The following SLC2A9 variants were observed in gnomAD, a reference collection of about 807,000 sequenced individuals.
The protein encoded by SLC2A9 is solute carrier family 2 member 9.
SLC2A9 carries 39 observed loss-of-function variants against 50.6 expected under a neutral mutation model. That is an observed-to-expected ratio of 0.77 (90% confidence interval 0.60 to 1.01). The LOEUF (loss-of-function observed/expected upper bound fraction) is 1.01, where lower values mean the gene tolerates loss of function less well. Ranked by LOEUF, SLC2A9 falls within the 50% of genes least tolerant of loss-of-function variation. The pLI, the probability that SLC2A9 is intolerant of heterozygous loss-of-function variation, is 0.00. For synonymous variants in SLC2A9, 324 were observed against 276.9 expected, an observed-to-expected ratio of 1.17 and a Z score of -1.69; for missense variants, 686 against 677.6, an observed-to-expected ratio of 1.01 and a Z score of -0.14.
In SLC2A9 at chr4:9,914,971, C is replaced by T. The variant is rs192598731; in HGVS notation, c.1002+5414G>A. Among the ~76,000 whole-genome samples, 36 of 152,324 alleles carry T rather than the reference C, an allele frequency of 2.4e-4. No homozygotes were observed. In the East Asian group the frequency reaches 6.8e-3, roughly 29 times the overall value. On this transcript the variant is annotated intron_variant, in intron 7 of 11. Transcript: ENST00000264784. The stretch of plus-strand genomic sequence containing the variant: ...AAGAGTGTTGGATCACCCAGTCTTG[C>T]TTCTCATCTTACGGATAAAAATCTA...
At chr4:9,953,328 T>C (rs547816656) in intron 5 of SLC2A9, among the ~76,000 whole-genome samples, 1 of 152,342 alleles carries the variant, frequency 6.6e-6, no homozygotes, top group Admixed American at 6.5e-5. Context: ...CACTGTATCA[T>C]CTGCCTGTCT....
chr4:9,815,402 G>A (rs1184263379), intron 3 of SLC2A9, among the ~76,000 whole-genome samples: 1 of 152,172 alleles, frequency 6.6e-6, no homozygotes, highest in East Asian at 1.9e-4. Flanking sequence ...CATGAGTAAG[G>A]GAAACCCAAG....
At chr4:9,828,708 C>T (rs1242805660) in intron 11 of SLC2A9, among the ~76,000 whole-genome samples, 1 of 152,220 alleles carries the variant, frequency 6.6e-6, no homozygotes, top group African/African-American at 2.4e-5. Context: ...GTCATTTTCT[C>T]AGAGAGGTTC....
chr4:9,826,165 G>T, downstream of SLC2A9: 1 of 541,708 alleles, frequency 1.8e-6, no homozygotes, highest in Non-Finnish European at 3.3e-6. Context: ...GTGATTCCTT[G>T]CAGCTTCCAG....
chr4:10,025,835 GA>G, upstream of SLC2A9: 1 of 1,485,264 alleles, frequency 6.7e-7, no homozygotes, highest in Non-Finnish European at 9.4e-7. Flanking sequence ...TGACCCAGGG[GA>G]AAGGGGTACT....
intron 6 of SLC2A9, among the ~76,000 whole-genome samples, chr4:9,941,529 G>A (rs1748124633): frequency 6.6e-6 from 1 of 152,172 alleles, no homozygotes; most frequent in Non-Finnish European, 1.5e-5. Context: ...AGTCAGTGAA[G>A]GGAGAAGAAG....
At chr4:9,799,986 A>C (rs1473561815) in intron 3 of SLC2A9, among the ~76,000 whole-genome samples, 1 of 152,180 alleles carries the variant, frequency 6.6e-6, no homozygotes. Context: ...AGGTGAAAAG[A>C]TGGGGAAACT....
At chr4:9,915,055 T>G (rs139310234) in intron 7 of SLC2A9, among the ~76,000 whole-genome samples, 130 of 152,324 alleles carry the variant, frequency 8.5e-4, no homozygotes, top group African/African-American at 2.8e-3. Context: ...GGCCTGGTCT[T>G]CTTTGAACTC....
At chr4:9,983,620 A>G (rs1303484348) in intron 4 of SLC2A9, among the ~76,000 whole-genome samples, 2 of 152,188 alleles carry the variant, frequency 1.3e-5, no homozygotes, top group East Asian at 3.8e-4. Context: ...CCGCAGACAC[A>G]TGAGAAGGCC....
chr4:9,835,337 C>T (rs988338870), intron 10 of SLC2A9, among the ~76,000 whole-genome samples: 1 of 152,184 alleles, frequency 6.6e-6, no homozygotes, highest in African/African-American at 2.4e-5. Context: ...TCCTCCATAT[C>T]CTGTACAGTG....
At chr4:9,789,049 A>G (rs1031375262) in intron 3 of SLC2A9, among the ~76,000 whole-genome samples, 3 of 152,236 alleles carry the variant, frequency 2.0e-5, no homozygotes, top group Non-Finnish European at 4.4e-5. Context: ...TCATATGTGC[A>G]TATACACATA....
rs142284234 is a variant in SLC2A9, at chr4:9,990,635, GT to G, written c.411-4843del. 3.6e-3 allele frequency among the ~76,000 whole-genome samples: 552 copies of G among 152,248 alleles called. 5 individuals are homozygous for G. The highest frequency in any genetic ancestry group is 0.012 in the African/African-American group (498 of 41,556). On this transcript the variant is annotated intron_variant, in intron 3 of 11. Transcript: ENST00000264784. ...CTCATGCGTCTGTAATACCAAAGGG[GT>G]TGTGTCCATAATAAAACAAACCAGT...
intron 5 of SLC2A9, among the ~76,000 whole-genome samples, chr4:9,976,235 C>G (rs75580860): frequency 3.3e-5 from 5 of 152,136 alleles, no homozygotes; most frequent in African/African-American, 1.2e-4. Flanking sequence ...CGCACACGTA[C>G]CCTCTTAATT....
downstream of SLC2A9, among the ~76,000 whole-genome samples, chr4:9,778,658 C>T (rs938414327): frequency 1.3e-5 from 2 of 152,126 alleles, no homozygotes; most frequent in Admixed American, 6.6e-5. Flanking sequence ...CTTTTCAGGT[C>T]TAATAATGTA....
chr4:9,963,643 G>A (rs1033993341), intron 5 of SLC2A9, among the ~76,000 whole-genome samples: 2 of 152,176 alleles, frequency 1.3e-5, no homozygotes, highest in African/African-American at 4.8e-5. Flanking sequence ...CTCTCAAGAG[G>A]CCCCTGCTCG....
At position 9,799,692 on chromosome 4, in the gene SLC2A9, A is replaced by ACCCCCCCCCCCCCCCCCCC. The variant is rs57223650; in HGVS notation, n.421-452_421-451insGGGGGGGGGGGGGGGGGGG. Among the ~76,000 whole-genome samples the ACCCCCCCCCCCCCCCCCCC allele has an allele frequency of 9.9e-4, 69 of 69,854 alleles. 1 individual carries two copies. Among genetic ancestry groups the ACCCCCCCCCCCCCCCCCCC allele is most frequent in the African/African-American group, 1.6e-3 (28 of 17,680 alleles). 45.8% of individuals were successfully genotyped at this position (69,854 alleles called of 152,430 possible). The stretch of plus-strand genomic sequence containing the variant: ...GCTTTCTGAGCTCCATTCCAATTGT[A>ACCCCCCCCCCCCCCCCCCC]CCCCCCCCCCACCCAACTTCTACAC... On this transcript the variant is annotated intron_variant and non_coding_transcript_variant, in intron 3 of 3. Transcript: ENST00000503280.
At chr4:9,887,771 A>G in intron 9 of SLC2A9, 129 bp from the exon 10 acceptor site, 1 of 549,184 alleles carries the variant, frequency 1.8e-6, no homozygotes, top group Admixed American at 4.1e-5. Flanking sequence ...CCCAAGCCCC[A>G]GCTTCAGCAT....
intron 11 of SLC2A9, among the ~76,000 whole-genome samples, chr4:9,831,563 T>C (rs1726148798): frequency 6.6e-6 from 1 of 152,180 alleles, no homozygotes; most frequent in African/African-American, 2.4e-5. Context: ...GTAAAAGGTA[T>C]AACTGCCCTG....
At chr4:10,031,586 A>T (rs1440702578) in intron 1 of SLC2A9, among the ~76,000 whole-genome samples, 2 of 152,240 alleles carry the variant, frequency 1.3e-5, no homozygotes, top group Non-Finnish European at 2.9e-5. Flanking sequence ...TGGGCACAGT[A>T]GGATGCTAGA....
Sources: gnomAD v4.1 joint callset for allele counts (sites outside exome capture counted in the v4.1 genomes callset) on GRCh38, gnomAD v4.1.1 for gene constraint, MANE v1.5 for transcripts, NCBI Gene and HGNC (gene_info 2026-07-23, HGNC 2026-07-21) for gene names.